DPP10: variants seen among roughly 807,000 people sequenced by gnomAD.
The protein encoded by DPP10 is dipeptidyl peptidase like 10.
In DPP10, 33 loss-of-function variants were observed where a neutral mutation model predicts 120.9. The ratio of observed to expected loss-of-function variants is 0.27; its 90% CI spans 0.21 to 0.37. The LOEUF (loss-of-function observed/expected upper bound fraction) is 0.37. DPP10 is among the 10% of genes least tolerant of loss of function. The pLI is 1.00. For missense variants in DPP10, 816 were observed against 942.8 expected (o/e 0.87, Z 1.76); for synonymous variants, 337 against 326.1 (o/e 1.03, Z -0.36).
intron 1 of DPP10, among the ~76,000 whole-genome samples, chr2:114,559,571 C>T (rs1688587612): frequency 6.6e-6 from 1 of 152,156 alleles, no homozygotes; most frequent in Non-Finnish European, 1.5e-5. Context: ...AACTCATACA[C>T]TTAGTTCCTC....
chr2:115,753,874 T>C (rs1275596596), intron 11 of DPP10, among the ~76,000 whole-genome samples: 2 of 152,174 alleles, frequency 1.3e-5, no homozygotes, highest in African/African-American at 4.8e-5. Flanking sequence ...AACACTGCAG[T>C]AAGTTTAAAC....
intron 5 of DPP10, among the ~76,000 whole-genome samples, chr2:115,677,237 A>C (rs1252522731): frequency 6.6e-6 from 1 of 152,220 alleles, no homozygotes; most frequent in Admixed American, 6.5e-5. Flanking sequence ...CATTATAAAA[A>C]CATATAAAAA....
At chr2:115,277,642 A>G (rs950511397) in intron 1 of DPP10, among the ~76,000 whole-genome samples, 9 of 151,940 alleles carry the variant, frequency 5.9e-5, no homozygotes, top group African/African-American at 2.2e-4. Flanking sequence ...TTATACATCT[A>G]TACTTTATTG....
chr2:114,842,381 G>A (rs543876729), intron 1 of DPP10, among the ~76,000 whole-genome samples: 6 of 152,158 alleles, frequency 3.9e-5, no homozygotes, highest in Non-Finnish European at 8.8e-5. Context: ...AATTCTTCAC[G>A]GGCATATCCT....
At chr2:115,133,149 A>G (rs1434453252) in intron 1 of DPP10, among the ~76,000 whole-genome samples, 804 of 75,002 alleles carry the variant, frequency 0.011, 14 homozygotes, top group African/African-American at 0.039. Flanking sequence ...GTGTGTGTAT[A>G]TATATATATA....
intron 1 of DPP10, among the ~76,000 whole-genome samples, chr2:115,115,005 G>A (rs1376145300): frequency 6.6e-6 from 1 of 152,006 alleles, no homozygotes; most frequent in Non-Finnish European, 1.5e-5. Context: ...AAAGTGAACA[G>A]GTGAGCAGTC....
rs183838671 is a variant in DPP10, at chr2:114,943,215, C to G, written c.61-366024C>G. Among the ~76,000 whole-genome samples the G allele has an allele frequency of 4.1e-4, 62 of 152,266 alleles. 1 individual carries two copies. Among genetic ancestry groups the G allele is most frequent in the African/African-American group, 1.3e-3 (55 of 41,544 alleles). Reference sequence around the variant, plus strand: ...GTTTCCAGCTTCATCCATGTCCCTGCAAAGGACACGAACTCATCCGTTTTT... The same window carrying G: ...GTTTCCAGCTTCATCCATGTCCCTGGAAAGGACACGAACTCATCCGTTTTT... On this transcript the variant is annotated intron_variant, in intron 1 of 25. Transcript: ENST00000410059.
intron 1 of DPP10, among the ~76,000 whole-genome samples, chr2:114,518,329 C>T (rs888897942): frequency 5.3e-5 from 8 of 152,184 alleles, no homozygotes; most frequent in African/African-American, 1.4e-4. Flanking sequence ...CCACCTGCCT[C>T]GGCCTCCCAA....
intron 9 of DPP10, among the ~76,000 whole-genome samples, chr2:115,742,416 C>A (rs1222240217): frequency 6.6e-6 from 1 of 151,980 alleles, no homozygotes; most frequent in Non-Finnish European, 1.5e-5. Context: ...TATATATATG[C>A]AAATAATATG....
chr2:114,841,779 T>C (rs1688179703), intron 1 of DPP10, among the ~76,000 whole-genome samples: 1 of 152,106 alleles, frequency 6.6e-6, no homozygotes, highest in South Asian at 2.1e-4. Flanking sequence ...TTGGGAGCTA[T>C]ACAGAAATCT....
At chr2:115,104,163 C>T (rs978470733) in intron 1 of DPP10, among the ~76,000 whole-genome samples, 6 of 135,612 alleles carry the variant, frequency 4.4e-5, no homozygotes, top group African/African-American at 1.6e-4. Flanking sequence ...ATGTCAAATA[C>T]ATATGTCTTT....
chr2:115,040,928 G>A (rs917091524), intron 1 of DPP10, among the ~76,000 whole-genome samples: 4 of 151,858 alleles, frequency 2.6e-5, no homozygotes, highest in African/African-American at 7.3e-5. Flanking sequence ...AGACCAGCCT[G>A]GCCAACATGA....
At chr2:115,348,495 A>T (rs759412945) in intron 3 of DPP10, among the ~76,000 whole-genome samples, 135 of 150,556 alleles carry the variant, frequency 9.0e-4, no homozygotes, top group Non-Finnish European at 1.5e-3. Context: ...GTTTTTTTTT[A>T]TAATTTTAAC....
intron 3 of DPP10, among the ~76,000 whole-genome samples, chr2:115,384,476 AAGG>A (rs2066715008): frequency 7.7e-6 from 1 of 130,268 alleles, no homozygotes; most frequent in Non-Finnish European, 1.7e-5. Context: ...AAGGAAGAAG[AAGG>A]AAGAAGAAGA....
intron 1 of DPP10, among the ~76,000 whole-genome samples, chr2:114,676,353 T>A (rs955971192): frequency 6.6e-6 from 1 of 152,116 alleles, no homozygotes; most frequent in African/African-American, 2.4e-5. Flanking sequence ...TATTTTCAAC[T>A]CTCCATAGGA....
At chr2:115,532,464 T>C (rs1470660531) in intron 5 of DPP10, among the ~76,000 whole-genome samples, 1 of 152,100 alleles carries the variant, frequency 6.6e-6, no homozygotes, top group Non-Finnish European at 1.5e-5. Flanking sequence ...TATCAACTAA[T>C]TCCTAATTAA....
chr2:114,593,638 A>G (rs1000090882), intron 1 of DPP10, among the ~76,000 whole-genome samples: 1 of 152,122 alleles, frequency 6.6e-6, no homozygotes, highest in East Asian at 1.9e-4. Context: ...GTATCTATTT[A>G]TGGGGATACA....
At chr2:114,901,488 G>A (rs770098305) in intron 1 of DPP10, among the ~76,000 whole-genome samples, 11 of 152,114 alleles carry the variant, frequency 7.2e-5, no homozygotes, top group Non-Finnish European at 1.2e-4. Context: ...GAGCCACCGC[G>A]CCCGGCCACA....
At chr2:115,414,088 T>C (rs1317693039) in intron 3 of DPP10, among the ~76,000 whole-genome samples, 1 of 152,162 alleles carries the variant, frequency 6.6e-6, no homozygotes, top group Admixed American at 6.6e-5. Flanking sequence ...ACCTGATTCA[T>C]GCCAGGTTTG....
Sources: allele counts gnomAD v4.1 joint callset (sites outside exome capture counted in the v4.1 genomes callset), GRCh38; gene constraint gnomAD v4.1.1; transcripts MANE v1.5; gene names NCBI Gene and HGNC (gene_info 2026-07-23, HGNC 2026-07-21).